Variants in MTCH1 observed in about 807,000 individuals in gnomAD.
MTCH1 encodes mitochondrial carrier 1.
MTCH1 carries 23 observed loss-of-function variants against 49.3 expected under a neutral mutation model. The observed-to-expected ratio is 0.47, with a 90% CI of 0.34 to 0.66. The LOEUF (loss-of-function observed/expected upper bound fraction) is 0.66. Among genes scored for constraint, MTCH1 ranks in the 30% least tolerant of loss-of-function variants. The probability of loss-of-function intolerance (pLI) is 0.01; values close to 1 mark genes in which losing one functional copy is unlikely to be tolerated. For synonymous variants in MTCH1, 229 were observed against 215.2 expected, an observed-to-expected ratio of 1.06 and a Z score of -0.56; for missense variants, 397 against 532.1, an observed-to-expected ratio of 0.75 and a Z score of 2.50.
At position 36,977,600 on chromosome 6, in the gene MTCH1, T is replaced by G; in HGVS notation, c.649+34A>C. 6.6e-7 allele frequency: 1 copy of G among 1,516,056 alleles called. No individual in the cohort carries two copies. The highest frequency in any genetic ancestry group is 9.1e-7 in the Non-Finnish European group (1 of 1,100,116). 93.9% of individuals were successfully genotyped at this position (1,516,056 alleles called of 1,614,324 possible). A position where few individuals can be genotyped will look rare whatever the true frequency, so the allele number is the denominator to read the frequency against. On this transcript the variant is annotated intron_variant, in intron 5 of 11. Transcript: ENST00000373627. This position sits in a 1 kb window ranked among gnomAD's most constrained non-coding sequence, Gnocchi z 5.4. ...TCACCCCACGCCCCCGACGCCAGCT[T>G]AGATACAGTCTCGGGGGAAGGGGGG... is the stretch of plus-strand genomic sequence containing the variant.
At position 36,981,611 on chromosome 6, in the gene MTCH1, T is replaced by G. The variant is rs1764094651; in HGVS notation, c.383A>C (p.Tyr128Ser). The G allele has an allele frequency of 6.2e-7, 1 of 1,613,994 alleles. No individual in the cohort carries two copies. Among genetic ancestry groups the G allele is most frequent in the Non-Finnish European group, 8.5e-7 (1 of 1,179,938 alleles). ...GTNVLGRKVL[Y>S]LPSFFTYAKY... ...ACCGTAGGTGAAGAAGCTCGGCAGA[T>G]AGAGGACCTTCCTCCCCAGCACATT... The change falls in exon 2 of 12, where the codon TAT becomes TCT. Residue 128 changes from tyrosine to serine, a missense_variant. Around this residue, in one of 2 missense-constraint regions of MTCH1, gnomAD observed 252 missense variants for 388.3 expected, o/e 0.65. Transcript: ENST00000373627.
rs557001208 is a variant in MTCH1 at position 36,983,854 on chromosome 6, C to T, written c.321+1999G>A. Among the ~76,000 whole-genome samples the T allele has an allele frequency of 2.8e-4, 43 of 152,292 alleles. 1 individual carries two copies. The highest frequency in any genetic ancestry group is 2.6e-4 in the Non-Finnish European group (18 of 68,026). On this transcript the variant is annotated intron_variant, in intron 1 of 11. Transcript: ENST00000373627. ...ATTACTCTGATTCCCAAACTATACC[C>T]ATTGAAGATCTTACCCTAATATATG... is the stretch of plus-strand genomic sequence containing the variant.
At position 36,968,795 on chromosome 6, in the gene MTCH1, G is replaced by A. The variant is rs201755942; in HGVS notation, c.*108C>T. The stretch of plus-strand genomic sequence containing the variant: ...ATGGAACTGAAGCCCGGCTGGGCTG[G>A]AGCACATCTGGTTGTTGTTGGGTTG... On this transcript the variant is annotated 3_prime_UTR_variant, in exon 12 of 12. Transcript: ENST00000373627. 1.0e-4 allele frequency: 160 copies of A among 1,530,230 alleles called. No homozygotes were observed. The highest frequency in any genetic ancestry group is 1.0e-3 in the Middle Eastern group (6 of 5,878). 94.8% of individuals were successfully genotyped at this position (1,530,230 alleles called of 1,614,324 possible).
chr6:36,972,666 T>A lies in MTCH1; in HGVS notation c.892A>T (p.Asn298Tyr). 6.4e-7 allele frequency: 1 copy of A among 1,551,078 alleles called. No individual in the cohort carries two copies. The highest frequency in any genetic ancestry group is 8.7e-7 in the Non-Finnish European group (1 of 1,146,454). The change falls in exon 8 of 12, where the codon AAT (asparagine) becomes TAT (tyrosine). Residue 298 changes from asparagine to tyrosine, a missense_variant. Asn to Tyr is a moderately radical substitution (Grantham distance 143). Transcript: ENST00000373627. This position sits in a 1 kb window ranked among gnomAD's most constrained non-coding sequence, Gnocchi z 4.1. ...DTPGGLGNDQ[N>Y]PGSQFSQALA... Reference sequence around the variant, plus strand: ...TTCCAACCAACCTGGGAACCTGGATTCTGGTCGTTTCCCAGCCCCCCTGGG... The same window carrying A: ...TTCCAACCAACCTGGGAACCTGGATACTGGTCGTTTCCCAGCCCCCCTGGG...
intron 7 of MTCH1, among the ~76,000 whole-genome samples, chr6:36,974,877 G>A (rs545820977): frequency 2.0e-5 from 3 of 152,052 alleles, no homozygotes; most frequent in Middle Eastern, 3.2e-3. Context: ...TGTCTACCAC[G>A]TTTGTGACAT....
rs1454972674 is a variant in MTCH1, at chr6:36,968,522, GC to G, written c.*380del. The G allele has an allele frequency of 5.5e-6, 2 of 366,428 alleles. No individual in the cohort carries two copies. The highest frequency in any genetic ancestry group is 1.1e-5 in the Non-Finnish European group (2 of 187,292). 22.7% of individuals were successfully genotyped at this position (366,428 alleles called of 1,614,324 possible). A position where few individuals can be genotyped will look rare whatever the true frequency, so the allele number is the denominator to read the frequency against. Reference sequence around the variant, plus strand: ...TGCTCCCAGCTGAGCTGCAGGATGGGCGCTGGGCTGACTGGAGGGGTAGACG... The same window carrying G: ...TGCTCCCAGCTGAGCTGCAGGATGGGGCTGGGCTGACTGGAGGGGTAGACG... On this transcript the variant is annotated 3_prime_UTR_variant, in exon 12 of 12. Transcript: ENST00000373627.
In MTCH1 at chr6:36,970,645, AC is replaced by A; in HGVS notation, c.954+1del. On this transcript the variant is annotated splice_donor_variant, in intron 9 of 11. Transcript: ENST00000373627. LOFTEE classifies it high-confidence loss of function. Reference sequence around the variant, plus strand: ...GAAGGAAGGACAGCTGGCACAACTTACCCCCATCACGAACTTGGTATAGCTC... The same window carrying A: ...GAAGGAAGGACAGCTGGCACAACTTACCCCATCACGAACTTGGTATAGCTC... 6.2e-7 allele frequency: 1 copy of A among 1,614,064 alleles called. No individual in the cohort carries two copies. The highest frequency in any genetic ancestry group is 8.5e-7 in the Non-Finnish European group (1 of 1,180,006).
intron 8 of MTCH1, among the ~76,000 whole-genome samples, chr6:36,971,802 G>A (rs1763696068): frequency 6.6e-6 from 1 of 152,088 alleles, no homozygotes; most frequent in Non-Finnish European, 1.5e-5. Context: ...ACTTCAAGAA[G>A]GAATGCCATC....
At chr6:36,975,936 C>T (rs1235317890) in intron 6 of MTCH1, among the ~76,000 whole-genome samples, 2 of 152,178 alleles carry the variant, frequency 1.3e-5, no homozygotes, top group Admixed American at 1.3e-4. Flanking sequence ...GAAGCCCAAC[C>T]ACCCATGGGA....
Position 36,974,717 on chromosome 6 carries a change from C to T in MTCH1, c.761+941G>A, listed in dbSNP as rs146647192. On this transcript the variant is annotated intron_variant, in intron 7 of 11. Transcript: ENST00000373627. ...TATATATATTTCTATATCATATACA[C>T]ACACATGCACCTACAAGTAGTCACT... Among the ~76,000 whole-genome samples, 996 of 152,244 alleles carry T rather than the reference C, an allele frequency of 6.5e-3. 2 individuals are homozygous for T. Among genetic ancestry groups the T allele is most frequent in the Admixed American group, 0.011 (163 of 15,282 alleles).
At chr6:36,971,882 C>T (rs1763699483) in intron 8 of MTCH1, among the ~76,000 whole-genome samples, 2 of 152,166 alleles carry the variant, frequency 1.3e-5, no homozygotes, top group Middle Eastern at 3.2e-3. Flanking sequence ...TGCTCCCTAC[C>T]TCTTATCTTG....
intron 6 of MTCH1, 134 bp from the exon 7 acceptor site, chr6:36,975,851 A>C (rs1763861946): frequency 8.3e-6 from 6 of 726,844 alleles, no homozygotes; most frequent in Middle Eastern, 2.4e-4. Context: ...GACTATTACC[A>C]TGAAGAACCA....
At chr6:36,974,095 T>G (rs1763776082) in intron 7 of MTCH1, among the ~76,000 whole-genome samples, 1 of 152,228 alleles carries the variant, frequency 6.6e-6, no homozygotes, top group Non-Finnish European at 1.5e-5. Context: ...ACCAGGTACA[T>G]GTGCAAATAT....
In MTCH1 at chr6:36,972,768, C is replaced by T. The variant is rs1269300713; in HGVS notation, c.790G>A (p.Val264Met). ...AGGTTACAGCCCCACAAGAAAACCA[C>T]ATCGCCCAGGAGGTGAGGGATTAAT... Reference protein sequence around the residue: ...VGLIPHLLGDVVFLWGCNLLA... With the variant: ...VGLIPHLLGDMVFLWGCNLLA... Residue 264 changes from valine (V) to methionine (M), a missense_variant, in exon 8 of 12, where the codon GTG (valine) becomes ATG (methionine). Physicochemically the swap from Val to Met is conservative, Grantham distance 21. Around this residue, in one of 2 missense-constraint regions of MTCH1, gnomAD observed 252 missense variants for 388.3 expected, o/e 0.65. Transcript: ENST00000373627. The surrounding 1 kb of genome is among the most constrained non-coding windows in gnomAD (Gnocchi z 4.1). 1 of 1,553,132 alleles carries T rather than the reference C, an allele frequency of 6.4e-7. No individual in the cohort carries two copies. Among genetic ancestry groups the T allele is most frequent in the Admixed American group, 2.0e-5 (1 of 51,212 alleles).
chr6:36,977,303 A>T lies in MTCH1; in HGVS notation c.650-53T>A. On this transcript the variant is annotated intron_variant, in intron 5 of 11. Coordinates refer to ENST00000373627, the MANE Select transcript of MTCH1 (RefSeq NM_001271641.2). The surrounding 1 kb of genome is among the most constrained non-coding windows in gnomAD (Gnocchi z 5.4). The stretch of plus-strand genomic sequence containing the variant: ...GGTGATGTGGTGGGCCACACTTCAT[A>T]ATGCTCCAGCCACCGGGTGCCAGGT... 6.3e-7 allele frequency: 1 copy of T among 1,595,710 alleles called. No individual in the cohort carries two copies. Among genetic ancestry groups the T allele is most frequent in the Non-Finnish European group, 8.6e-7 (1 of 1,165,746 alleles).
chr6:36,971,720 GA>G (rs929149832), intron 8 of MTCH1, among the ~76,000 whole-genome samples: 21 of 152,196 alleles, frequency 1.4e-4, no homozygotes, highest in African/African-American at 5.1e-4. Flanking sequence ...TGCTGAACAT[GA>G]CCCCCTTCCC....
intron 6 of MTCH1, among the ~76,000 whole-genome samples, chr6:36,976,852 C>T (rs191477694): frequency 6.8e-4 from 103 of 152,310 alleles, no homozygotes; most frequent in African/African-American, 2.2e-3. Context: ...CCGGAAAAAT[C>T]GTTAGAGCAT....
intron 6 of MTCH1, among the ~76,000 whole-genome samples, chr6:36,976,110 C>G (rs1265024723): frequency 2.0e-5 from 3 of 152,236 alleles, no homozygotes; most frequent in Admixed American, 6.5e-5. Context: ...CCCACAGGCC[C>G]GCCCAAGAGT....
intron 11 of MTCH1, chr6:36,969,573 C>A (rs1181316912): frequency 6.0e-6 from 7 of 1,158,794 alleles, no homozygotes; most frequent in African/African-American, 1.6e-5. Flanking sequence ...CCCACGTGGC[C>A]CAGCCCCACC....
Sources: allele counts gnomAD v4.1 joint callset (sites outside exome capture counted in the v4.1 genomes callset), GRCh38; gene constraint gnomAD v4.1.1; regional missense constraint gnomAD v4.1.1; non-coding constraint Gnocchi (gnomAD v3.1); transcripts MANE v1.5; gene names NCBI Gene and HGNC (gene_info 2026-07-23, HGNC 2026-07-21).